The following NLGN1 variants were observed in gnomAD, a reference collection of about 807,000 sequenced individuals.
The protein encoded by NLGN1 is neuroligin 1.
Under a neutral mutation model 65.5 loss-of-function variants are expected in NLGN1, and 12 were observed. The ratio of observed to expected loss-of-function variants is 0.18; its 90% confidence interval spans 0.12 to 0.30. NLGN1 has a LOEUF of 0.30. Among genes scored for constraint, NLGN1 ranks in the 10% least tolerant of loss-of-function variants. The pLI is 1.00. For synonymous variants in NLGN1, 350 were observed against 359.5 expected, an observed-to-expected ratio of 0.97 and a Z score of 0.30; for missense variants, 750 against 1,007.1, an observed-to-expected ratio of 0.74 and a Z score of 3.46.
At chr3:173,857,984 CT>C in intron 4 of NLGN1, among the ~76,000 whole-genome samples, 1 of 134,552 alleles carries the variant, frequency 7.4e-6, no homozygotes, top group East Asian at 2.2e-4. Context: ...CCCAAGGCCA[CT>C]TAAAAAATTA....
In NLGN1 at chr3:174,197,807, T is replaced by C. The variant is rs116780928; in HGVS notation, c.647-77508T>C. Among the ~76,000 whole-genome samples the C allele has an allele frequency of 3.3e-3, 495 of 151,392 alleles. 3 individuals are homozygous for C. The highest frequency in any genetic ancestry group is 0.011 in the African/African-American group (473 of 41,164). ...AGATAAGTTAATCTGTCCTAAAAACTGCTTTAAAATCATATTTTGTTAAGA... is the reference window on the plus strand; with the variant it reads ...AGATAAGTTAATCTGTCCTAAAAACCGCTTTAAAATCATATTTTGTTAAGA... On this transcript the variant is annotated intron_variant, in intron 4 of 6. Coordinates refer to ENST00000457714, the Ensembl canonical transcript of NLGN1.
At chr3:173,462,600 C>T (rs1428600052) in intron 2 of NLGN1, among the ~76,000 whole-genome samples, 1 of 152,128 alleles carries the variant, frequency 6.6e-6, no homozygotes, top group East Asian at 1.9e-4. Context: ...TTACCATAGC[C>T]AGTCTCCAAT....
At chr3:174,056,852 C>A (rs1403248400) in intron 4 of NLGN1, among the ~76,000 whole-genome samples, 2 of 151,948 alleles carry the variant, frequency 1.3e-5, no homozygotes. Context: ...TCTAATTCAT[C>A]TTTGGATGTT....
chr3:173,396,021 G>A (rs1282891158), upstream of NLGN1, among the ~76,000 whole-genome samples: 3 of 152,128 alleles, frequency 2.0e-5, no homozygotes, highest in African/African-American at 4.8e-5. Flanking sequence ...GTGTGTGTGC[G>A]CGCGTGTACG....
chr3:173,753,803 A>T (rs909402043), intron 3 of NLGN1, among the ~76,000 whole-genome samples: 12 of 151,680 alleles, frequency 7.9e-5, no homozygotes, highest in African/African-American at 2.9e-4. Context: ...TCTATGTTCT[A>T]TTCTCTCTCT....
At chr3:173,733,357 G>T (rs923559902) in intron 3 of NLGN1, among the ~76,000 whole-genome samples, 6 of 150,954 alleles carry the variant, frequency 4.0e-5, no homozygotes, top group African/African-American at 1.5e-4. Flanking sequence ...ATCTCATTTA[G>T]AGCTTCTGAA....
chr3:174,122,573 A>G (rs1210421324), intron 4 of NLGN1, among the ~76,000 whole-genome samples: 3 of 152,252 alleles, frequency 2.0e-5, no homozygotes, highest in Admixed American at 6.5e-5. Flanking sequence ...TTGTTCTGTA[A>G]TAACCTCTTC....
At chr3:173,972,568 G>T (rs1417567787) in intron 4 of NLGN1, among the ~76,000 whole-genome samples, 1 of 152,094 alleles carries the variant, frequency 6.6e-6, no homozygotes, top group African/African-American at 2.4e-5. Context: ...ATGTGGAAGA[G>T]AAAGAGATAA....
At chr3:174,217,683 G>A (rs1409695255) in intron 4 of NLGN1, among the ~76,000 whole-genome samples, 1 of 152,074 alleles carries the variant, frequency 6.6e-6, no homozygotes, top group Non-Finnish European at 1.5e-5. Context: ...TAACATGAGT[G>A]TTAGAGCTTC....
intron 2 of NLGN1, among the ~76,000 whole-genome samples, chr3:173,579,574 G>C (rs531259935): frequency 6.6e-6 from 1 of 152,292 alleles, no homozygotes; most frequent in South Asian, 2.1e-4. Context: ...AGATACATCT[G>C]GTATATTTAG....
At chr3:173,817,908 T>A (rs1719362723) in intron 4 of NLGN1, among the ~76,000 whole-genome samples, 1 of 152,174 alleles carries the variant, frequency 6.6e-6, no homozygotes, top group Admixed American at 6.5e-5. Context: ...GTTGTTAAGA[T>A]CAGTGATTTG....
At chr3:173,466,014 A>G (rs1724281698) in intron 2 of NLGN1, among the ~76,000 whole-genome samples, 1 of 152,234 alleles carries the variant, frequency 6.6e-6, no homozygotes, top group Non-Finnish European at 1.5e-5. Flanking sequence ...TAGTGGAAAG[A>G]CAACAATTAT....
At chr3:173,581,219 T>TA (rs1231528128) in intron 2 of NLGN1, among the ~76,000 whole-genome samples, 3 of 152,054 alleles carry the variant, frequency 2.0e-5, no homozygotes, top group Admixed American at 6.5e-5. Context: ...AATTGAGTTA[T>TA]AAAAAATGCC....
At chr3:174,289,943 G>GTATATATGTATA (rs1752552578), downstream of NLGN1, among the ~76,000 whole-genome samples, 1 of 69,952 alleles carries the variant, frequency 1.4e-5, no homozygotes, top group African/African-American at 5.9e-5. Flanking sequence ...ATATATGTAT[G>GTATATATGTATA]TATATATATG....
At chr3:173,993,650 T>C (rs1301640522) in intron 4 of NLGN1, among the ~76,000 whole-genome samples, 1 of 112,820 alleles carries the variant, frequency 8.9e-6, no homozygotes, top group Non-Finnish European at 1.8e-5. Flanking sequence ...GATAGCTAGA[T>C]AGATGATAGA....
chr3:173,592,789 G>A (rs1192589634), intron 2 of NLGN1, among the ~76,000 whole-genome samples: 1 of 152,188 alleles, frequency 6.6e-6, no homozygotes, highest in Non-Finnish European at 1.5e-5. Flanking sequence ...TACTCTCAAA[G>A]TGTAAGGGTA....
intron 4 of NLGN1, among the ~76,000 whole-genome samples, chr3:173,865,775 A>C (rs1465288634): frequency 6.6e-6 from 1 of 152,206 alleles, no homozygotes; most frequent in Non-Finnish European, 1.5e-5. Context: ...TTCAAAATGA[A>C]TGATCCGAAA....
intron 2 of NLGN1, among the ~76,000 whole-genome samples, chr3:173,510,253 A>G (rs866494626): frequency 9.9e-5 from 15 of 152,220 alleles, no homozygotes; most frequent in Admixed American, 5.9e-4. Flanking sequence ...CCCTTATTCA[A>G]TGTGATGATT....
At position 174,026,981 on chromosome 3, in the gene NLGN1, T is replaced by A. The variant is rs558833454; in HGVS notation, c.646+219149T>A. On this transcript the variant is annotated intron_variant, in intron 4 of 6. Coordinates refer to ENST00000457714, the Ensembl canonical transcript of NLGN1. The stretch of plus-strand genomic sequence containing the variant: ...TAAGCAGCAATTATATGTAAAAGAT[T>A]GATTGTCTTGGGTGTTCAAGGACAA... Among the ~76,000 whole-genome samples, 4 of 152,070 alleles carry A rather than the reference T, an allele frequency of 2.6e-5. 1 individual carries two copies. The East Asian group carries it at 7.7e-4, about 29-fold the overall frequency.
Sources: allele counts gnomAD v4.1 joint callset (sites outside exome capture counted in the v4.1 genomes callset), GRCh38; gene constraint gnomAD v4.1.1; transcripts MANE v1.5; gene names NCBI Gene and HGNC (gene_info 2026-07-23, HGNC 2026-07-21).